The following SCAPER variants were observed in gnomAD, a reference collection of about 807,000 sequenced individuals.
SCAPER encodes S-phase cyclin A associated protein in the ER.
SCAPER carries 98 observed loss-of-function variants against 182.2 expected under a neutral mutation model. The ratio of observed to expected loss-of-function variants is 0.54; its 90% CI spans 0.46 to 0.64. The LOEUF (loss-of-function observed/expected upper bound fraction) is 0.64, where lower values mean the gene tolerates loss of function less well. Among genes scored for constraint, SCAPER ranks in the 30% least tolerant of loss-of-function variants. The pLI, the probability that SCAPER is intolerant of heterozygous loss-of-function variation, is 0.00. For synonymous variants in SCAPER, 605 were observed against 564.6 expected (o/e 1.07, Z -1.01); for missense variants, 1,432 against 1,690.0 (o/e 0.85, Z 2.68).
At chr15:76,874,086 G>A (rs982702448) in intron 2 of SCAPER, among the ~76,000 whole-genome samples, 4 of 152,004 alleles carry the variant, frequency 2.6e-5, no homozygotes, top group East Asian at 1.9e-4. Context: ...TAGAGACAGC[G>A]TTTCACCACG....
At chr15:76,786,912 A>G (rs912758918) in intron 8 of SCAPER, among the ~76,000 whole-genome samples, 3 of 152,206 alleles carry the variant, frequency 2.0e-5, no homozygotes, top group Admixed American at 6.5e-5. Context: ...TGAAATAGTT[A>G]TAAGTCCAAC....
At position 76,425,494 on chromosome 15, in the gene SCAPER, G is replaced by C. The variant is rs139262998; in HGVS notation, c.3311+8584C>G. Among the ~76,000 whole-genome samples, 860 of 152,232 alleles carry C rather than the reference G, an allele frequency of 5.6e-3. 8 individuals are homozygous for C. The highest frequency in any genetic ancestry group is 0.02 in the African/African-American group (831 of 41,550). Reference sequence around the variant, plus strand: ...GGTCACTTAAGGACTTGTCTACATTGGTTATTCTAGTTAGCCATTCGTCTA... The same window carrying C: ...GGTCACTTAAGGACTTGTCTACATTCGTTATTCTAGTTAGCCATTCGTCTA... On this transcript the variant is annotated intron_variant, in intron 26 of 31. Transcript: ENST00000563290.
intron 2 of SCAPER, among the ~76,000 whole-genome samples, chr15:76,874,097 T>C (rs148750125): frequency 6.6e-6 from 1 of 152,248 alleles, no homozygotes; most frequent in East Asian, 1.9e-4. Context: ...TTTCACCACG[T>C]TGGGCAGGCT....
chr15:76,409,954 ATTT>A (rs534239321), intron 26 of SCAPER, among the ~76,000 whole-genome samples: 7 of 137,050 alleles, frequency 5.1e-5, no homozygotes, highest in Admixed American at 7.3e-5. Context: ...GGCCTGGCTA[ATTT>A]TTTTTTTTTT....
intron 1 of SCAPER, among the ~76,000 whole-genome samples, chr15:76,901,167 T>G (rs1247545786): frequency 2.0e-5 from 3 of 152,066 alleles, no homozygotes; most frequent in Non-Finnish European, 4.4e-5. Context: ...GAGGCAGAGG[T>G]TGCAGTAAGC....
At chr15:76,891,346 A>C (rs1399803628) in intron 1 of SCAPER, among the ~76,000 whole-genome samples, 1 of 152,210 alleles carries the variant, frequency 6.6e-6, no homozygotes, top group Non-Finnish European at 1.5e-5. Flanking sequence ...AAAGAAATAA[A>C]GGGTATTCAA....
intron 23 of SCAPER, among the ~76,000 whole-genome samples, chr15:76,563,379 GAAT>G (rs1054930558): frequency 6.6e-6 from 1 of 152,118 alleles, no homozygotes; most frequent in Non-Finnish European, 1.5e-5. Flanking sequence ...AACAATTGGA[GAAT>G]ATTATGAATA....
Position 76,381,488 on chromosome 15 carries a change from G to C in SCAPER, c.3595C>G (p.Pro1199Ala). 2 of 1,613,690 alleles carry C rather than the reference G, an allele frequency of 1.2e-6. No homozygotes were observed. The highest frequency in any genetic ancestry group is 1.3e-5 in the African/African-American group (1 of 75,030). Reference sequence around the variant, plus strand: ...TTCTCCTTGGGACTGGCAGTGCTGGGGTCCAAGATGGTGCCATGGAAGAGG... The same window carrying C: ...TTCTCCTTGGGACTGGCAGTGCTGGCGTCCAAGATGGTGCCATGGAAGAGG... Reference protein sequence around the residue: ...CVLFHGTILDPSTASPKENYT... With the variant: ...CVLFHGTILDASTASPKENYT... The change falls in exon 28 of 32, where the codon CCC (proline) becomes GCC (alanine). Residue 1199 changes from proline (P) to alanine (A), a missense_variant. Transcript: ENST00000563290.
chr15:76,727,924 C>T (rs932257321), intron 17 of SCAPER, among the ~76,000 whole-genome samples: 1 of 151,940 alleles, frequency 6.6e-6, no homozygotes, highest in Admixed American at 6.6e-5. Flanking sequence ...AAACCCTGAA[C>T]AGCTCATAAA....
chr15:76,729,037 T>G (rs2060753643), intron 16 of SCAPER, among the ~76,000 whole-genome samples: 2 of 152,076 alleles, frequency 1.3e-5, no homozygotes, highest in South Asian at 4.1e-4. Context: ...GAGGCTAGAA[T>G]ATAAAGCAGG....
intron 15 of SCAPER, among the ~76,000 whole-genome samples, chr15:76,736,403 CT>C (rs1385172184): frequency 6.6e-6 from 1 of 152,176 alleles, no homozygotes; most frequent in Non-Finnish European, 1.5e-5. Flanking sequence ...TTGATGGACT[CT>C]TCCTTTCCTC....
Position 76,795,389 on chromosome 15 carries a change from A to G in SCAPER, c.663T>C (p.Ser221=). The G allele has an allele frequency of 6.2e-7, 1 of 1,609,790 alleles. No individual in the cohort carries two copies. Among genetic ancestry groups the G allele is most frequent in the Non-Finnish European group, 8.5e-7 (1 of 1,177,332 alleles). ...PAPRLAPTGV[S]WADKVKAHHT... ...GATGAGCCTTTACCTTGTCAGCCCA[A>G]CTGACACCTGTGGGAGCCAGACGAG... Residue 221 remains serine, a synonymous_variant, in exon 8 of 32, where the codon AGT becomes AGC. Coordinates refer to ENST00000563290, the MANE Select transcript of SCAPER (RefSeq NM_020843.4).
intron 26 of SCAPER, among the ~76,000 whole-genome samples, chr15:76,407,378 G>C (rs1223596862): frequency 6.6e-6 from 1 of 152,162 alleles, no homozygotes; most frequent in Non-Finnish European, 1.5e-5. Context: ...TGTATATGTG[G>C]TCTGTTGTTG....
chr15:76,351,138 T>A (rs1309137994), intron 31 of SCAPER, 99 bp downstream of exon 31: 1 of 1,017,224 alleles, frequency 9.8e-7, no homozygotes, highest in Non-Finnish European at 1.4e-6. Context: ...AGGTTATGTA[T>A]AAAATTTTAC....
chr15:76,870,105 G>T (rs1159591900), intron 2 of SCAPER, among the ~76,000 whole-genome samples: 1 of 152,128 alleles, frequency 6.6e-6, no homozygotes, highest in Non-Finnish European at 1.5e-5. Context: ...GTAGTGGAGT[G>T]GGGTGGGTGG....
chr15:76,378,025 A>T (rs1457619052), intron 28 of SCAPER, among the ~76,000 whole-genome samples: 4 of 152,212 alleles, frequency 2.6e-5, no homozygotes, highest in African/African-American at 9.7e-5. Context: ...CTTAATCTCT[A>T]TTTTACAGAT....
intron 24 of SCAPER, among the ~76,000 whole-genome samples, chr15:76,476,612 T>TTTC (rs1567220026): frequency 7.4e-6 from 1 of 134,626 alleles, no homozygotes; most frequent in African/African-American, 2.8e-5. Context: ...TTTTTTTTTT[T>TTTC]TTTTTTTTTT....
rs557915701 is a variant in SCAPER at position 76,900,050 on chromosome 15, T to C, written c.-60+5249A>G. Among the ~76,000 whole-genome samples, 47 of 152,324 alleles carry C rather than the reference T, an allele frequency of 3.1e-4. 1 individual carries two copies. The South Asian group carries it at 9.7e-3, about 32-fold the overall frequency. On this transcript the variant is annotated intron_variant, in intron 1 of 31. Coordinates refer to ENST00000563290, the MANE Select transcript of SCAPER (RefSeq NM_020843.4). ...ATCTATAACCTTACCCCCAACCCCC[T>C]GCTCTCTGAAACATGTGCTGTGTCA... is the stretch of plus-strand genomic sequence containing the variant.
In SCAPER at chr15:76,771,743, T is replaced by C; in HGVS notation, c.1247A>G (p.Asn416Ser). The C allele has an allele frequency of 6.2e-7, 1 of 1,611,742 alleles. No homozygotes were observed. The highest frequency in any genetic ancestry group is 8.5e-7 in the Non-Finnish European group (1 of 1,178,342). ...ENEMDPSDIS[N>S]SMAEVLAKKE... ...TCTTACCAAGTTAGCAGCACTCACATTTGAAATATCTGAAGGGTCCATTTC... is the reference window on the plus strand; with the variant it reads ...TCTTACCAAGTTAGCAGCACTCACACTTGAAATATCTGAAGGGTCCATTTC... The change falls in exon 10 of 32, where the codon AAT (asparagine) becomes AGT (serine). Residue 416 changes from asparagine to serine, a missense_variant and splice_region_variant. Physicochemically the swap from Asn to Ser is conservative, Grantham distance 46. Around this residue, in one of 5 missense-constraint regions of SCAPER, gnomAD observed 480 missense variants for 510.2 expected, o/e 0.94. Transcript: ENST00000563290.
Sources: allele counts gnomAD v4.1 joint callset (sites outside exome capture counted in the v4.1 genomes callset), GRCh38; gene constraint gnomAD v4.1.1; regional missense constraint gnomAD v4.1.1; transcripts MANE v1.5; gene names NCBI Gene and HGNC (gene_info 2026-07-23, HGNC 2026-07-21).